The following PRKN variants were observed in gnomAD, a reference collection of about 807,000 sequenced individuals.
PRKN encodes the protein parkin RBR E3 ubiquitin protein ligase.
PRKN carries 56 observed loss-of-function variants against 59.5 expected under a neutral mutation model. That is an observed-to-expected ratio of 0.94 (90% CI 0.76 to 1.18). The LOEUF (loss-of-function observed/expected upper bound fraction) is 1.18, where lower values mean the gene tolerates loss of function less well. Ranked by LOEUF, PRKN falls within the 50% of genes most tolerant of loss-of-function variation. The pLI is 0.00. For missense variants in PRKN, 657 were observed against 596.4 expected (o/e 1.10, Z -1.06); for synonymous variants, 250 against 222.1 (o/e 1.13, Z -1.12).
intron 3 of PRKN, among the ~76,000 whole-genome samples, chr6:162,256,771 C>T (rs928090855): frequency 6.6e-6 from 1 of 152,286 alleles, no homozygotes; most frequent in South Asian, 2.1e-4. Flanking sequence ...AGCACACTGT[C>T]CAGCCAGGCC....
rs1786495416 is a variant in PRKN, at chr6:161,391,330, A to C, written c.1084-4453T>G. ...TTATGAGTCAACATTAACCGAATGG[A>C]AGTTAGTATACCAGGAAACATGGAG... On this transcript the variant is annotated intron_variant, in intron 9 of 11. Coordinates refer to ENST00000366898, the MANE Select transcript of PRKN (RefSeq NM_004562.3). The surrounding 1 kb of genome is among the most constrained non-coding windows in gnomAD (Gnocchi z 4.9). 6.6e-6 allele frequency among the ~76,000 whole-genome samples: 1 copy of C among 152,096 alleles called. No individual in the cohort carries two copies. Among genetic ancestry groups the C allele is most frequent in the Non-Finnish European group, 1.5e-5 (1 of 68,030 alleles).
intron 1 of PRKN, among the ~76,000 whole-genome samples, chr6:162,518,870 G>A (rs936225498): frequency 7.9e-5 from 12 of 152,124 alleles, no homozygotes; most frequent in Admixed American, 5.9e-4. Context: ...TACTACACAT[G>A]GAGTAGTTTC....
At chr6:162,638,739 CTTTTTTTTT>C (rs370517141) in intron 1 of PRKN, among the ~76,000 whole-genome samples, 6 of 99,646 alleles carry the variant, frequency 6.0e-5, no homozygotes, top group African/African-American at 1.2e-4. Context: ...CTAACTATCC[CTTTTTTTTT>C]TTTTTTTTTT....
intron 10 of PRKN, among the ~76,000 whole-genome samples, chr6:161,384,560 G>A (rs1786144482): frequency 1.3e-5 from 2 of 152,144 alleles, no homozygotes; most frequent in South Asian, 4.1e-4. Flanking sequence ...ATGAAATAAT[G>A]TCTCTTTCTT....
At chr6:162,260,259 C>T (rs1462580208) in intron 3 of PRKN, among the ~76,000 whole-genome samples, 1 of 152,040 alleles carries the variant, frequency 6.6e-6, no homozygotes, top group African/African-American at 2.4e-5. Context: ...ACAGGGTGAT[C>T]AGAGGTTAGA....
intron 2 of PRKN, among the ~76,000 whole-genome samples, chr6:162,397,197 A>G (rs1189248415): frequency 6.6e-6 from 1 of 152,114 alleles, no homozygotes; most frequent in Non-Finnish European, 1.5e-5. Context: ...AATTCCAGAA[A>G]ATTTGCTTAA....
At chr6:161,938,208 G>A (rs565305792) in intron 6 of PRKN, among the ~76,000 whole-genome samples, 8 of 152,242 alleles carry the variant, frequency 5.3e-5, no homozygotes, top group African/African-American at 1.9e-4. Flanking sequence ...ACACTCTCAG[G>A]GAAACTGGCT....
Position 162,640,048 on chromosome 6 carries a change from C to G in PRKN, c.7+87614G>C, listed in dbSNP as rs945178850. 7.9e-5 allele frequency among the ~76,000 whole-genome samples: 12 copies of G among 152,184 alleles called. 1 individual carries two copies. In the South Asian group the frequency reaches 1.7e-3, roughly 21 times the overall value. On this transcript the variant is annotated intron_variant, in intron 1 of 11. Coordinates refer to ENST00000366898, the MANE Select transcript of PRKN (RefSeq NM_004562.3). ...TACCCATAAATCTGGGTGAATTCTT[C>G]TCTTCTTGATGACTTCCAAATTCTC...
intron 4 of PRKN, among the ~76,000 whole-genome samples, chr6:162,162,910 A>G (rs1346409946): frequency 6.7e-6 from 1 of 148,702 alleles, no homozygotes; most frequent in Non-Finnish European, 1.5e-5. Context: ...CGGGAGGCTG[A>G]GGCAGAAGAA....
chr6:162,535,912 A>C (rs898853930), intron 1 of PRKN, among the ~76,000 whole-genome samples: 1 of 151,888 alleles, frequency 6.6e-6, no homozygotes, highest in African/African-American at 2.4e-5. Context: ...TGTCTCAAAA[A>C]AAAAAAAAAA....
intron 1 of PRKN, among the ~76,000 whole-genome samples, chr6:162,668,366 C>T (rs1779183184): frequency 6.6e-6 from 1 of 152,188 alleles, no homozygotes; most frequent in African/African-American, 2.4e-5. Context: ...CATTGTTACT[C>T]TCCCGGTGGA....
intron 5 of PRKN, among the ~76,000 whole-genome samples, chr6:162,014,123 A>C (rs912260885): frequency 2.0e-5 from 3 of 152,046 alleles, no homozygotes; most frequent in Non-Finnish European, 4.4e-5. Flanking sequence ...CCATCGGGAA[A>C]TTTATCTCAC....
chr6:161,496,258 G>A (rs753163837), intron 9 of PRKN, among the ~76,000 whole-genome samples: 2 of 152,210 alleles, frequency 1.3e-5, no homozygotes, highest in African/African-American at 2.4e-5. Flanking sequence ...CATGGGTTGA[G>A]TTGTATCCCT....
At chr6:162,676,834 G>A (rs932352836) in intron 1 of PRKN, among the ~76,000 whole-genome samples, 1 of 152,160 alleles carries the variant, frequency 6.6e-6, no homozygotes, top group Non-Finnish European at 1.5e-5. Context: ...AGGCAAGGCA[G>A]GTAGATCATT....
At chr6:161,910,991 T>G (rs886605111) in intron 6 of PRKN, among the ~76,000 whole-genome samples, 1 of 152,246 alleles carries the variant, frequency 6.6e-6, no homozygotes, top group South Asian at 2.1e-4. Flanking sequence ...TTAGAAGCAC[T>G]GGGACACCAA....
chr6:161,553,874 A>G (rs1477326075), intron 8 of PRKN, among the ~76,000 whole-genome samples: 1 of 152,204 alleles, frequency 6.6e-6, no homozygotes, highest in Non-Finnish European at 1.5e-5. Context: ...ACACCATTCA[A>G]TAGCTTCCTC....
chr6:162,337,020 G>A (rs1190757200), intron 2 of PRKN, among the ~76,000 whole-genome samples: 1 of 152,160 alleles, frequency 6.6e-6, no homozygotes, highest in Non-Finnish European at 1.5e-5. Context: ...AACAACTTGT[G>A]ATTTCAGTGA....
intron 4 of PRKN, among the ~76,000 whole-genome samples, chr6:162,062,722 A>G (rs1260311720): frequency 3.9e-5 from 6 of 152,122 alleles, no homozygotes; most frequent in Admixed American, 3.9e-4. Flanking sequence ...ATACATTTCT[A>G]TTGTTTACGC....
intron 6 of PRKN, among the ~76,000 whole-genome samples, chr6:161,846,267 T>C (rs1583239439): frequency 6.6e-6 from 1 of 152,210 alleles, no homozygotes; most frequent in African/African-American, 2.4e-5. Flanking sequence ...CCTGCTCACA[T>C]ATAATTTTAT....
Sources: gnomAD v4.1 joint callset for allele counts (sites outside exome capture counted in the v4.1 genomes callset) on GRCh38, gnomAD v4.1.1 for gene constraint, Gnocchi (gnomAD v3.1) non-coding constraint, MANE v1.5 for transcripts, NCBI Gene and HGNC (gene_info 2026-07-23, HGNC 2026-07-21) for gene names.